Variants in PAK4 observed in about 807,000 individuals in gnomAD.
The protein encoded by PAK4 is serine/threonine-protein kinase PAK 4.
In PAK4, 49 loss-of-function variants were observed where a neutral mutation model predicts 53.5. The observed-to-expected ratio is 0.92, with a 90% CI of 0.73 to 1.16. The LOEUF is 1.16. Ranked by LOEUF, PAK4 falls within the 50% of genes most tolerant of loss-of-function variation. The pLI, the probability that PAK4 is intolerant of heterozygous loss-of-function variation, is 0.00. For missense variants in PAK4, 824 were observed against 850.7 expected (o/e 0.97, Z 0.39); for synonymous variants, 376 against 375.6 (o/e 1.00, Z -0.01).
intron 1 of PAK4, among the ~76,000 whole-genome samples, chr19:39,143,289 T>TAAAAAA (rs33954043): frequency 1.7e-5 from 2 of 117,748 alleles, no homozygotes; most frequent in African/African-American, 3.3e-5. Context: ...GTAGAAGCAT[T>TAAAAAA]AAAAAAAAAA....
intron 4 of PAK4, among the ~76,000 whole-genome samples, chr19:39,174,231 C>G (rs1328124163): frequency 6.6e-6 from 1 of 151,826 alleles, no homozygotes; most frequent in Non-Finnish European, 1.5e-5. Flanking sequence ...AGCCCCAGAC[C>G]CAGGGTTCCT....
At chr19:39,149,357 T>C (rs1600343607) in intron 1 of PAK4, among the ~76,000 whole-genome samples, 1 of 152,198 alleles carries the variant, frequency 6.6e-6, no homozygotes, top group East Asian at 1.9e-4. Context: ...TGGATGGTCT[T>C]GAAAACATTA....
chr19:39,174,139 TC>T, intron 4 of PAK4, 129 bp downstream of exon 5: 1 of 654,826 alleles, frequency 1.5e-6, no homozygotes, highest in Non-Finnish European at 2.6e-6. Context: ...CTCACTCTTC[TC>T]CCTCCCCAGG....
chr19:39,152,882 C>G (rs2074115935), intron 1 of PAK4, among the ~76,000 whole-genome samples: 1 of 152,000 alleles, frequency 6.6e-6, no homozygotes, highest in Admixed American at 6.6e-5. Flanking sequence ...GGGTTCTGCA[C>G]CCACCCATTC....
At chr19:39,151,280 A>G (rs1025987165) in intron 1 of PAK4, among the ~76,000 whole-genome samples, 3 of 152,206 alleles carry the variant, frequency 2.0e-5, no homozygotes, top group African/African-American at 7.2e-5. Flanking sequence ...GCTCAACCCT[A>G]CTAAATAGAA....
chr19:39,144,867 A>G (rs936570855), intron 1 of PAK4, among the ~76,000 whole-genome samples: 4 of 152,184 alleles, frequency 2.6e-5, no homozygotes, highest in African/African-American at 9.7e-5. Flanking sequence ...ATACAGAGAA[A>G]GCTTTCAGTT....
chr19:39,171,123 C>T (rs2074470219), intron 2 of PAK4, among the ~76,000 whole-genome samples: 1 of 152,194 alleles, frequency 6.6e-6, no homozygotes, highest in South Asian at 2.1e-4. Context: ...TTGTGGCCAG[C>T]ACTGTCCTGG....
chr19:39,172,787 A>G, intron 2 of PAK4, 131 bp from the exon 4 acceptor site: 7 of 784,982 alleles, frequency 8.9e-6, no homozygotes, highest in Middle Eastern at 3.8e-4. Context: ...TTGTCACTCC[A>G]TGGCATCTCT....
At chr19:39,169,282 G>A (rs2074430651) in intron 1 of PAK4, among the ~76,000 whole-genome samples, 1 of 152,144 alleles carries the variant, frequency 6.6e-6, no homozygotes, top group Admixed American at 6.5e-5. Flanking sequence ...ATGGGGCCTT[G>A]TGGGCCCGCA....
At chr19:39,136,033 A>G (rs1266745009) in intron 1 of PAK4, among the ~76,000 whole-genome samples, 2 of 25,940 alleles carry the variant, frequency 7.7e-5, no homozygotes, top group Admixed American at 5.8e-4. Context: ...CTTCCTCGCC[A>G]CCCCCTTCCT....
intron 1 of PAK4, among the ~76,000 whole-genome samples, chr19:39,130,879 G>A (rs749103338): frequency 1.3e-4 from 19 of 150,646 alleles, no homozygotes; most frequent in Non-Finnish European, 5.9e-5. Flanking sequence ...TGTGGGGGAC[G>A]GATCGCGGGG....
exon 3 of PAK4, chr19:39,172,954 G>C (rs1332055378): frequency 6.5e-7 from 1 of 1,544,982 alleles, no homozygotes; most frequent in Non-Finnish European, 8.8e-7. Flanking sequence ...CAAAGATGGG[G>C]CCCTCACGCT....
In PAK4 at chr19:39,178,303, G is replaced by C; in HGVS notation, c.1621-121G>C. The C allele has an allele frequency of 9.8e-7, 1 of 1,018,790 alleles. No individual in the cohort carries two copies. The highest frequency in any genetic ancestry group is 1.6e-5 in the South Asian group (1 of 62,030). 63.1% of individuals were successfully genotyped at this position (1,018,790 alleles called of 1,614,324 possible). A position where few individuals can be genotyped will look rare whatever the true frequency, so the allele number is the denominator to read the frequency against. The stretch of plus-strand genomic sequence containing the variant: ...CAAGATCTAGACACCCATGACCTCC[G>C]CCCCCTGCCCTCCTGCACAGTACAT... On this transcript the variant is annotated intron_variant, in intron 8 of 8. Transcript: ENST00000358301. The surrounding 1 kb of genome is among the most constrained non-coding windows in gnomAD (Gnocchi z 4.4).
intron 1 of PAK4, among the ~76,000 whole-genome samples, chr19:39,141,320 CTT>C (rs36112621): frequency 2.7e-5 from 4 of 145,800 alleles, no homozygotes; most frequent in African/African-American, 2.5e-5. Context: ...TCTTATAATC[CTT>C]TTTTTTTTTT....
chr19:39,169,470 G>A, intron 1 of PAK4, 62 bp from the exon 3 acceptor site: 2 of 1,205,652 alleles, frequency 1.7e-6, no homozygotes, highest in Non-Finnish European at 2.4e-6. Context: ...GGACAGAGCA[G>A]GGGCAGAGGA....
chr19:39,169,944 TCCTAAGAA>T (rs1325632549), intron 2 of PAK4, among the ~76,000 whole-genome samples, 187 bp downstream of exon 3: 2 of 149,060 alleles, frequency 1.3e-5, no homozygotes, highest in East Asian at 4.1e-4. Context: ...TGGCTCCAAG[TCCTAAGAA>T]CCCATGCCAC....
At chr19:39,170,822 T>C (rs1376174698) in intron 2 of PAK4, among the ~76,000 whole-genome samples, 1 of 152,252 alleles carries the variant, frequency 6.6e-6, no homozygotes, top group Non-Finnish European at 1.5e-5. Context: ...TTGCCTCCAC[T>C]GAGAAAGTGA....
At chr19:39,150,424 G>A (rs1371774395) in intron 1 of PAK4, among the ~76,000 whole-genome samples, 1 of 152,164 alleles carries the variant, frequency 6.6e-6, no homozygotes, top group African/African-American at 2.4e-5. Context: ...TCATCAGCGA[G>A]CATTGCCTTT....
Position 39,175,142 on chromosome 19 carries a change from A to C in PAK4, c.1232+78A>C, listed in dbSNP as rs2074576608. Reference sequence around the variant, plus strand: ...CCACTAGGGGTGGGGCCACATCTCCAAACCAGCTGTGCTCCGGGCCCCTGG... The same window carrying C: ...CCACTAGGGGTGGGGCCACATCTCCCAACCAGCTGTGCTCCGGGCCCCTGG... On this transcript the variant is annotated intron_variant, in intron 5 of 8. Coordinates refer to ENST00000358301, the Ensembl canonical transcript of PAK4. The surrounding 1 kb of genome is among the most constrained non-coding windows in gnomAD (Gnocchi z 4.7). The C allele has an allele frequency of 2.6e-6, 4 of 1,535,510 alleles. No homozygotes were observed. Among genetic ancestry groups the C allele is most frequent in the East Asian group, 2.3e-5 (1 of 44,174 alleles).
Sources: gnomAD v4.1 joint callset for allele counts (sites outside exome capture counted in the v4.1 genomes callset) on GRCh38, gnomAD v4.1.1 for gene constraint, Gnocchi (gnomAD v3.1) non-coding constraint, MANE v1.5 for transcripts, NCBI Gene and HGNC (gene_info 2026-07-23, HGNC 2026-07-21) for gene names.